The following PRKG1 variants were observed in gnomAD, a reference collection of about 807,000 sequenced individuals.
PRKG1 encodes the protein protein kinase cGMP-dependent 1.
A neutral mutation model predicts 88.1 loss-of-function variants in PRKG1; 35 were observed. The observed-to-expected ratio is 0.40, with a 90% CI of 0.30 to 0.53. The LOEUF is 0.53. PRKG1 is among the 20% of genes least tolerant of loss of function. The probability of loss-of-function intolerance (pLI) is 0.59; values close to 1 mark genes in which losing one functional copy is unlikely to be tolerated. For synonymous variants in PRKG1, 303 were observed against 292.5 expected (o/e 1.04, Z -0.37); for missense variants, 540 against 839.8 (o/e 0.64, Z 4.41).
intron 3 of PRKG1, among the ~76,000 whole-genome samples, chr10:51,639,698 T>A (rs1839750957): frequency 6.6e-6 from 1 of 151,110 alleles, no homozygotes; most frequent in Admixed American, 6.6e-5. Flanking sequence ...GATTTATATA[T>A]AAATTATTTT....
intron 2 of PRKG1, among the ~76,000 whole-genome samples, chr10:51,273,291 G>T (rs1173140487): frequency 6.6e-6 from 1 of 150,568 alleles, no homozygotes; most frequent in East Asian, 2.0e-4. Context: ...AAGGAGGATT[G>T]CTGGAGCCCA....
chr10:51,343,979 T>C (rs1048316428), intron 2 of PRKG1, among the ~76,000 whole-genome samples: 2 of 152,242 alleles, frequency 1.3e-5, no homozygotes, highest in African/African-American at 4.8e-5. Flanking sequence ...CAATACATTT[T>C]TATGTCTGGA....
intron 3 of PRKG1, among the ~76,000 whole-genome samples, chr10:51,741,799 A>G (rs1382959519): frequency 6.6e-6 from 1 of 152,164 alleles, no homozygotes; most frequent in Non-Finnish European, 1.5e-5. Flanking sequence ...GTAACCCCAG[A>G]GTTTTCAGTG....
chr10:51,926,789 A>G (rs1032895679), intron 5 of PRKG1, among the ~76,000 whole-genome samples: 6 of 146,990 alleles, frequency 4.1e-5, no homozygotes, highest in African/African-American at 1.3e-4. Context: ...TCTCCTGAGT[A>G]TCTCCCAAGT....
intron 2 of PRKG1, among the ~76,000 whole-genome samples, chr10:51,439,345 G>C (rs1010462370): frequency 1.3e-5 from 2 of 151,812 alleles, no homozygotes; most frequent in Non-Finnish European, 2.9e-5. Context: ...TGAAATAAAA[G>C]ATGTGAACAA....
At chr10:51,775,745 C>T (rs927786324) in intron 3 of PRKG1, among the ~76,000 whole-genome samples, 3 of 151,812 alleles carry the variant, frequency 2.0e-5, no homozygotes, top group Non-Finnish European at 4.4e-5. Context: ...CCACCACGGC[C>T]GGCTAATGTT....
intron 1 of PRKG1, among the ~76,000 whole-genome samples, chr10:51,132,300 C>T (rs1000270622): frequency 6.6e-6 from 1 of 152,126 alleles, no homozygotes; most frequent in African/African-American, 2.4e-5. Flanking sequence ...CAGAGAAATT[C>T]CTGGTTCTCA....
intron 1 of PRKG1, among the ~76,000 whole-genome samples, chr10:51,029,583 T>TG (rs1564575209): frequency 6.6e-6 from 1 of 152,168 alleles, no homozygotes; most frequent in African/African-American, 2.4e-5. Context: ...GATTCAGCTC[T>TG]GGGGGAACAA....
intron 9 of PRKG1, among the ~76,000 whole-genome samples, chr10:52,238,042 C>T (rs1840738519): frequency 9.1e-6 from 1 of 109,834 alleles, no homozygotes; most frequent in African/African-American, 3.7e-5. Flanking sequence ...TGATCTTTGA[C>T]AAACCTGAGA....
intron 1 of PRKG1, among the ~76,000 whole-genome samples, chr10:51,065,553 C>T (rs1843739621): frequency 6.6e-6 from 1 of 152,024 alleles, no homozygotes; most frequent in South Asian, 2.1e-4. Context: ...TTGTTACATA[C>T]AGAAAGGCTT....
chr10:51,873,941 T>A (rs1465500047), intron 4 of PRKG1, among the ~76,000 whole-genome samples: 1 of 152,188 alleles, frequency 6.6e-6, no homozygotes, highest in Non-Finnish European at 1.5e-5. Flanking sequence ...AAGTCCTCTA[T>A]CTTGTTTATA....
chr10:51,806,526 T>A (rs1839312435), intron 4 of PRKG1, among the ~76,000 whole-genome samples: 1 of 152,206 alleles, frequency 6.6e-6, no homozygotes, highest in Non-Finnish European at 1.5e-5. Context: ...AAAGAGGTGG[T>A]TGCTGACTTG....
intron 7 of PRKG1, chr10:52,081,716 C>T: frequency 2.2e-6 from 1 of 456,246 alleles, no homozygotes; most frequent in Non-Finnish European, 4.4e-6. Flanking sequence ...TAAAATGGAG[C>T]AGGGTAAGGG....
At chr10:51,683,071 G>T (rs1202201368) in intron 3 of PRKG1, among the ~76,000 whole-genome samples, 1 of 152,126 alleles carries the variant, frequency 6.6e-6, no homozygotes, top group Non-Finnish European at 1.5e-5. Context: ...CATGAAACAT[G>T]TTATTTTATT....
chr10:52,255,031 T>A (rs762347041), intron 10 of PRKG1, among the ~76,000 whole-genome samples: 1 of 152,136 alleles, frequency 6.6e-6, no homozygotes, highest in Non-Finnish European at 1.5e-5. Context: ...TGCCATATTT[T>A]CTGCCTATGT....
intron 2 of PRKG1, among the ~76,000 whole-genome samples, chr10:51,377,433 C>T (rs1842839658): frequency 6.6e-6 from 1 of 152,202 alleles, no homozygotes; most frequent in African/African-American, 2.4e-5. Context: ...TAGATCAGAA[C>T]TTGTTGAACT....
chr10:52,225,745 T>A (rs2132342221), intron 9 of PRKG1, among the ~76,000 whole-genome samples: 1 of 152,302 alleles, frequency 6.6e-6, no homozygotes, highest in South Asian at 2.1e-4. Context: ...GAAAAGGATG[T>A]CCTTTCCCCA....
upstream of PRKG1, among the ~76,000 whole-genome samples, chr10:51,072,122 G>A (rs1169790301): frequency 6.6e-6 from 1 of 152,134 alleles, no homozygotes; most frequent in African/African-American, 2.4e-5. Flanking sequence ...TTGAATCCAG[G>A]AGGCGGAGGT....
chr10:51,102,137 A>G (rs1474622402), intron 1 of PRKG1, among the ~76,000 whole-genome samples: 1 of 152,244 alleles, frequency 6.6e-6, no homozygotes, highest in Admixed American at 6.5e-5. Flanking sequence ...TAGTAGAAAT[A>G]CAATATGCAA....
Sources: allele counts gnomAD v4.1 joint callset (sites outside exome capture counted in the v4.1 genomes callset), GRCh38; gene constraint gnomAD v4.1.1; transcripts MANE v1.5; gene names NCBI Gene and HGNC (gene_info 2026-07-23, HGNC 2026-07-21).